Variants in ZNF16 observed in about 807,000 individuals in gnomAD.
ZNF16 encodes zinc finger protein 16.
In ZNF16, 7 loss-of-function variants were observed where a neutral mutation model predicts 9.0. That is an observed-to-expected ratio of 0.78 (90% CI 0.44 to 1.47). ZNF16 has a LOEUF of 1.47. Ranked by LOEUF, ZNF16 falls within the 40% of genes most tolerant of loss-of-function variation. The pLI is 0.01. For synonymous variants in ZNF16, 312 were observed against 301.5 expected, an observed-to-expected ratio of 1.03 and a Z score of -0.36; for missense variants, 830 against 854.2, an observed-to-expected ratio of 0.97 and a Z score of 0.35.
At chr8:144,939,456 CA>C (rs1419272196) in intron 2 of ZNF16, among the ~76,000 whole-genome samples, 3 of 151,914 alleles carry the variant, frequency 2.0e-5, no homozygotes, top group Non-Finnish European at 4.4e-5. Context: ...ATTAGCTGGG[CA>C]TAGTGGCACG....
At chr8:144,934,054 TCTGGGACTTC>T (rs771276320) in intron 2 of ZNF16, among the ~76,000 whole-genome samples, 52 of 152,206 alleles carry the variant, frequency 3.4e-4, no homozygotes, top group Non-Finnish European at 6.5e-4. Context: ...CCTCTCCCTG[TCTGGGACTTC>T]CAGAATCTGC....
chr8:144,945,702 GA>G, intron 2 of ZNF16: 1 of 284,876 alleles, frequency 3.5e-6, no homozygotes, highest in Non-Finnish European at 6.6e-6. Context: ...CCTGAGGGGA[GA>G]GGGCTGCCAC....
intron 1 of ZNF16, among the ~76,000 whole-genome samples, chr8:144,947,216 G>A (rs1465913009): frequency 2.2e-4 from 28 of 126,836 alleles, no homozygotes; most frequent in African/African-American, 7.9e-4. Flanking sequence ...TTGGGCTTGT[G>A]TCCTGCTGTT....
chr8:144,931,941 C>T lies in ZNF16; in HGVS notation c.846G>A (p.Arg282=), dbSNP rs1337904247. 6.2e-7 allele frequency: 1 copy of T among 1,613,568 alleles called. No homozygotes were observed. The highest frequency in any genetic ancestry group is 1.7e-5 in the Admixed American group (1 of 60,000). ...TCTCACTGCTGTGGTGACTCTGATGCCTAGAAAAGTCTGAGTGCCCTCGGA... is the reference window on the plus strand; with the variant it reads ...TCTCACTGCTGTGGTGACTCTGATGTCTAGAAAAGTCTGAGTGCCCTCGGA... ...KAFRGHSDFS[R]HQSHHSSERP... Residue 282 remains arginine, a synonymous_variant, in exon 3 of 3, where the codon AGG becomes AGA. Transcript: ENST00000394909.
At position 144,947,231 on chromosome 8, in the gene ZNF16, T is replaced by C. The variant is rs1171660234; in HGVS notation, c.-9-1016A>G. 1.3e-3 allele frequency among the ~76,000 whole-genome samples: 161 copies of C among 124,064 alleles called. 1 individual carries two copies. Among genetic ancestry groups the C allele is most frequent in the Middle Eastern group, 5.0e-3 (1 of 202 alleles). The allele number at this position is 124,064 out of a possible 152,430, so 81.4% of individuals were successfully genotyped here. A position where few individuals can be genotyped will look rare whatever the true frequency, so the allele number is the denominator to read the frequency against. ...TTGGGCTTGTGTCCTGCTGTTGGGC[T>C]TGTGTCCTGCTGTGGGGCCTGTGTC... On this transcript the variant is annotated intron_variant, in intron 1 of 2. Coordinates refer to ENST00000394909, the MANE Select transcript of ZNF16 (RefSeq NM_006958.3).
At chr8:144,946,792 C>CCTGTGTCCTGCTGTGGGG (rs1338200651) in intron 1 of ZNF16, among the ~76,000 whole-genome samples, 2 of 70,570 alleles carry the variant, frequency 2.8e-5, no homozygotes, top group African/African-American at 1.1e-4. Flanking sequence ...CTGCTGTGGG[C>CCTGTGTCCTGCTGTGGGG]CTGTGTCCTG....
chr8:144,946,218 G>GA lies in ZNF16; in HGVS notation c.-9-4dup. The GA allele has an allele frequency of 6.6e-7, 1 of 1,504,054 alleles. No individual in the cohort carries two copies. Among genetic ancestry groups the GA allele is most frequent in the Non-Finnish European group, 8.9e-7 (1 of 1,121,296 alleles). 93.2% of individuals were successfully genotyped at this position (1,504,054 alleles called of 1,614,324 possible). On this transcript the variant is annotated splice_region_variant and splice_polypyrimidine_tract_variant and intron_variant, in intron 1 of 2. Transcript: ENST00000394909. ...CTGAGGCTGGGCATGACAAGGACCTGAAAACCGGCAAGAACACAGGTGAGT... is the reference window on the plus strand; with the variant it reads ...CTGAGGCTGGGCATGACAAGGACCTGAAAAACCGGCAAGAACACAGGTGAGT...
intron 1 of ZNF16, among the ~76,000 whole-genome samples, chr8:144,949,045 C>T (rs1049502180): frequency 7.9e-5 from 12 of 152,392 alleles, no homozygotes; most frequent in African/African-American, 2.9e-4. Context: ...GAGGACCAAC[C>T]TCAAGAAAAA....
In ZNF16 at chr8:144,934,452, T is replaced by C. The variant is rs541941969; in HGVS notation, c.197-1862A>G. ...TACACTCCACATGGGCTGCAGGGGA[T>C]TCCCCAATGTCCCCCATGAGCTTCA... is the stretch of plus-strand genomic sequence containing the variant. On this transcript the variant is annotated intron_variant, in intron 2 of 2. Transcript: ENST00000394909. 2.6e-5 allele frequency among the ~76,000 whole-genome samples: 4 copies of C among 152,342 alleles called. No homozygotes were observed. In the South Asian group the frequency reaches 8.3e-4, roughly 32 times the overall value.
intron 1 of ZNF16, among the ~76,000 whole-genome samples, chr8:144,946,843 T>C (rs866075599): frequency 3.0e-5 from 2 of 67,574 alleles, no homozygotes; most frequent in African/African-American, 1.3e-4. Flanking sequence ...ATCCTGCTGT[T>C]GGGCCTGTGT....
In ZNF16 at chr8:144,933,388, A is replaced by T. The variant is rs1833603625; in HGVS notation, c.197-798T>A. ...GTTTGCGGATGACTTCTGGCCTCGT[A>T]ACAATGTGCGTCATCTTTCCGCAGA... On this transcript the variant is annotated intron_variant, in intron 2 of 2. Coordinates refer to ENST00000394909, the MANE Select transcript of ZNF16 (RefSeq NM_006958.3). The surrounding 1 kb of genome is among the most constrained non-coding windows in gnomAD (Gnocchi z 5.6). Among the ~76,000 whole-genome samples, 1 of 152,170 alleles carries T rather than the reference A, an allele frequency of 6.6e-6. No individual in the cohort carries two copies. The highest frequency in any genetic ancestry group is 1.5e-5 in the Non-Finnish European group (1 of 68,020).
At chr8:144,948,070 G>C (rs1020625057) in intron 1 of ZNF16, 2 of 152,542 alleles carry the variant, frequency 1.3e-5, no homozygotes, top group African/African-American at 2.4e-5. Flanking sequence ...ATGGTGCAGG[G>C]AGTCAACGTG....
At chr8:144,940,035 A>G (rs1447959426) in intron 2 of ZNF16, among the ~76,000 whole-genome samples, 1 of 151,882 alleles carries the variant, frequency 6.6e-6, no homozygotes, top group Non-Finnish European at 1.5e-5. Context: ...CTCTTCTTTT[A>G]TAGTCCTTTA....
intron 1 of ZNF16, among the ~76,000 whole-genome samples, chr8:144,948,911 C>T (rs971294354): frequency 5.3e-5 from 8 of 152,190 alleles, no homozygotes; most frequent in South Asian, 4.1e-4. Flanking sequence ...AGGTTATGGA[C>T]GTGAATTACC....
rs1318887430 is a variant in ZNF16 at position 144,949,331 on chromosome 8, C to T, written c.-10+1466G>A. Among the ~76,000 whole-genome samples, 3 of 152,268 alleles carry T rather than the reference C, an allele frequency of 2.0e-5. No individual in the cohort carries two copies. The East Asian group carries it at 5.8e-4, about 29-fold the overall frequency. On this transcript the variant is annotated intron_variant, in intron 1 of 2. Transcript: ENST00000394909. The stretch of plus-strand genomic sequence containing the variant: ...AGGACATCTGAGGCTGAGCGAAACC[C>T]CCTTTCTCCCCCAGCTCTGCTCAGT...
intron 1 of ZNF16, among the ~76,000 whole-genome samples, chr8:144,949,498 G>T (rs1038127450): frequency 2.0e-5 from 3 of 152,194 alleles, no homozygotes; most frequent in Non-Finnish European, 1.5e-5. Flanking sequence ...TGTAGAAAAG[G>T]AAGACATAAG....
intron 2 of ZNF16, among the ~76,000 whole-genome samples, chr8:144,939,422 C>T (rs892058822): frequency 1.3e-5 from 2 of 151,836 alleles, no homozygotes; most frequent in African/African-American, 2.4e-5. Flanking sequence ...CTGGGGAACA[C>T]GGTCTCTACT....
intron 1 of ZNF16, among the ~76,000 whole-genome samples, chr8:144,950,177 T>C (rs1191642124): frequency 6.6e-6 from 1 of 152,192 alleles, no homozygotes; most frequent in Admixed American, 6.5e-5. Flanking sequence ...ATGGCACAGA[T>C]TCTTTTGCTC....
chr8:144,942,682 CA>C (rs1401063987), intron 2 of ZNF16, among the ~76,000 whole-genome samples: 1 of 152,198 alleles, frequency 6.6e-6, no homozygotes, highest in Admixed American at 6.5e-5. Context: ...CTCAGTAACA[CA>C]AAATCTCTGC....
Sources: allele counts gnomAD v4.1 joint callset (sites outside exome capture counted in the v4.1 genomes callset), GRCh38; gene constraint gnomAD v4.1.1; non-coding constraint Gnocchi (gnomAD v3.1); transcripts MANE v1.5; gene names NCBI Gene and HGNC (gene_info 2026-07-23, HGNC 2026-07-21).